CSMD1: variants seen among roughly 807,000 people sequenced by gnomAD.
CSMD1 encodes the protein CUB and sushi domain-containing protein 1.
In CSMD1, 213 loss-of-function variants were observed where a neutral mutation model predicts 417.5. The ratio of observed to expected loss-of-function variants is 0.51; its 90% CI spans 0.46 to 0.57. CSMD1 has a LOEUF of 0.57. CSMD1 is among the 20% of genes least tolerant of loss of function. CSMD1 has a pLI of 0.00. For synonymous variants in CSMD1, 2,862 were observed against 1,736.8 expected (o/e 1.65, Z -16.11); for missense variants, 6,923 against 4,529.7 (o/e 1.53, Z -15.17).
intron 3 of CSMD1, among the ~76,000 whole-genome samples, chr8:4,417,575 G>C (rs1223661431): frequency 6.6e-6 from 1 of 151,840 alleles, no homozygotes; most frequent in East Asian, 1.9e-4. Context: ...AAATCCAGTT[G>C]CCTTTATACG....
chr8:4,306,473 G>C (rs183768152), intron 3 of CSMD1, among the ~76,000 whole-genome samples: 27 of 152,306 alleles, frequency 1.8e-4, no homozygotes, highest in African/African-American at 5.8e-4. Context: ...TATTGTGAAT[G>C]CCTCAGCAGG....
At chr8:4,126,940 G>A (rs1182446141) in intron 3 of CSMD1, among the ~76,000 whole-genome samples, 1 of 152,040 alleles carries the variant, frequency 6.6e-6, no homozygotes, top group Non-Finnish European at 1.5e-5. Context: ...TGCTGGAAGA[G>A]ACCCTGCAGG....
chr8:3,931,797 A>G (rs1810164984), intron 5 of CSMD1, among the ~76,000 whole-genome samples: 1 of 148,468 alleles, frequency 6.7e-6, no homozygotes, highest in Admixed American at 6.7e-5. Context: ...AGGAATATTA[A>G]GTGGGCAATG....
intron 1 of CSMD1, among the ~76,000 whole-genome samples, chr8:4,672,495 GA>G (rs35657556): frequency 6.6e-6 from 1 of 151,934 alleles, no homozygotes; most frequent in Non-Finnish European, 1.5e-5. Flanking sequence ...TATTACTGAT[GA>G]AAAAAAGCTT....
chr8:4,169,577 C>T (rs958305101), intron 3 of CSMD1, among the ~76,000 whole-genome samples: 2 of 152,096 alleles, frequency 1.3e-5, no homozygotes, highest in Non-Finnish European at 1.5e-5. Flanking sequence ...TTGCTCTTCT[C>T]AACACAGGCA....
chr8:3,241,862 C>T (rs1023137095), intron 26 of CSMD1, among the ~76,000 whole-genome samples: 4 of 151,804 alleles, frequency 2.6e-5, no homozygotes, highest in African/African-American at 9.7e-5. Context: ...TTGAAGGCGA[C>T]GTTAATTAAG....
chr8:3,708,510 A>T lies in CSMD1; in HGVS notation c.932-19T>A, dbSNP rs1451912582. On this transcript the variant is annotated intron_variant, in intron 6 of 69. Coordinates refer to ENST00000635120, the MANE Select transcript of CSMD1 (RefSeq NM_033225.6). ...TTTTTCACTGGAAGAAACAAAACCA[A>T]GCCATTAGCAGGTAAGACTTGGAGA... is the stretch of plus-strand genomic sequence containing the variant. 1 of 1,608,590 alleles carries T rather than the reference A, an allele frequency of 6.2e-7. No individual in the cohort carries two copies. The highest frequency in any genetic ancestry group is 1.3e-5 in the African/African-American group (1 of 74,794).
intron 1 of CSMD1, among the ~76,000 whole-genome samples, chr8:4,761,890 C>T (rs1904118): frequency 0.26 from 23,717 of 90,834 alleles, 2,436 homozygotes; most frequent in Middle Eastern, 0.35. Flanking sequence ...TATCTATCTA[C>T]CTACCTATCT....
At chr8:3,926,644 C>A (rs1213867025) in intron 5 of CSMD1, among the ~76,000 whole-genome samples, 1 of 143,220 alleles carries the variant, frequency 7.0e-6, no homozygotes, top group Non-Finnish European at 1.5e-5. Context: ...TTATTAGAAA[C>A]AATTAATTGA....
intron 3 of CSMD1, among the ~76,000 whole-genome samples, chr8:4,172,807 C>T (rs1007803626): frequency 6.6e-5 from 10 of 152,138 alleles, no homozygotes; most frequent in African/African-American, 2.4e-4. Flanking sequence ...TGTCTTTAGG[C>T]AGCCCCTGGA....
intron 3 of CSMD1, among the ~76,000 whole-genome samples, chr8:4,272,444 C>T (rs1400652797): frequency 6.6e-6 from 1 of 152,240 alleles, no homozygotes; most frequent in Non-Finnish European, 1.5e-5. Flanking sequence ...GAAAAACTAT[C>T]TAAAACCAGG....
chr8:4,578,326 C>A (rs544629297), intron 2 of CSMD1, among the ~76,000 whole-genome samples: 5 of 95,786 alleles, frequency 5.2e-5, no homozygotes, highest in African/African-American at 1.0e-4. Context: ...CCACGACACC[C>A]GGCTCATTTT....
At chr8:4,315,020 G>A (rs1299262802) in intron 3 of CSMD1, among the ~76,000 whole-genome samples, 1 of 152,096 alleles carries the variant, frequency 6.6e-6, no homozygotes, top group African/African-American at 2.4e-5. Context: ...TGAGAAAAGA[G>A]GTCCCTCTTC....
At chr8:3,061,074 G>C (rs1363297107) in intron 49 of CSMD1, among the ~76,000 whole-genome samples, 1 of 152,190 alleles carries the variant, frequency 6.6e-6, no homozygotes, top group Non-Finnish European at 1.5e-5. Flanking sequence ...TATAGAAACA[G>C]AATAGGATGC....
At chr8:3,040,242 G>T (rs982874491) in intron 50 of CSMD1, among the ~76,000 whole-genome samples, 1 of 151,858 alleles carries the variant, frequency 6.6e-6, no homozygotes, top group African/African-American at 2.4e-5. Context: ...TGTTAATGCA[G>T]CCAAACACTC....
chr8:4,617,827 T>G (rs921497725), intron 2 of CSMD1, among the ~76,000 whole-genome samples: 11 of 152,166 alleles, frequency 7.2e-5, no homozygotes, highest in Non-Finnish European at 1.5e-5. Flanking sequence ...CCTCCATGAG[T>G]ATATTCATTG....
intron 3 of CSMD1, among the ~76,000 whole-genome samples, chr8:4,309,614 A>T (rs1798447590): frequency 2.0e-5 from 3 of 152,150 alleles, no homozygotes; most frequent in African/African-American, 7.2e-5. Context: ...CCATTTTAGT[A>T]CAACTCCCTT....
At chr8:3,572,444 T>G (rs977817740) in intron 10 of CSMD1, among the ~76,000 whole-genome samples, 1 of 152,188 alleles carries the variant, frequency 6.6e-6, no homozygotes, top group African/African-American at 2.4e-5. Context: ...AGCCCCTGAT[T>G]GCTGTGTTTC....
intron 1 of CSMD1, among the ~76,000 whole-genome samples, chr8:4,825,294 A>G (rs1357445659): frequency 3.9e-5 from 6 of 152,116 alleles, no homozygotes; most frequent in Admixed American, 2.6e-4. Context: ...AAGGATATAA[A>G]CAACTATTAG....
Sources: allele counts gnomAD v4.1 joint callset (sites outside exome capture counted in the v4.1 genomes callset), GRCh38; gene constraint gnomAD v4.1.1; transcripts MANE v1.5; gene names NCBI Gene and HGNC (gene_info 2026-07-23, HGNC 2026-07-21).